SPATA13: variants seen among roughly 807,000 people sequenced by gnomAD.
SPATA13 encodes the protein spermatogenesis associated 13.
Under a neutral mutation model 104.0 loss-of-function variants are expected in SPATA13, and 50 were observed. That is an observed-to-expected ratio of 0.48 (90% CI 0.38 to 0.61). The LOEUF (loss-of-function observed/expected upper bound fraction) is 0.61. Ranked by LOEUF, SPATA13 falls within the 20% of genes least tolerant of loss-of-function variation. The pLI is 0.00. For missense variants in SPATA13, 1,524 were observed against 1,690.6 expected (o/e 0.90, Z 1.73); for synonymous variants, 606 against 667.5 (o/e 0.91, Z 1.42).
intron 3 of SPATA13, 187 bp from the exon 4 acceptor site, chr13:24,251,531 G>A: frequency 1.0e-6 from 1 of 985,450 alleles, no homozygotes; most frequent in South Asian, 4.7e-5. Flanking sequence ...AGCTGATCAG[G>A]ATTGTTAAAA....
At chr13:24,222,249 T>G (rs1239576379) in intron 1 of SPATA13, among the ~76,000 whole-genome samples, 2 of 152,204 alleles carry the variant, frequency 1.3e-5, no homozygotes, top group Non-Finnish European at 2.9e-5. Context: ...CGCCTGTGTC[T>G]AGGTGGCCCT....
At position 24,224,368 on chromosome 13, in the gene SPATA13, C is replaced by G; in HGVS notation, c.1439C>G (p.Pro480Arg). The G allele has an allele frequency of 6.4e-7, 1 of 1,551,706 alleles. No homozygotes were observed. The highest frequency in any genetic ancestry group is 8.7e-7 in the Non-Finnish European group (1 of 1,146,992). Residue 480 changes from proline (P) to arginine (R), a missense_variant, in exon 2 of 13, where the codon CCC becomes CGC. Physicochemically the swap from Pro to Arg is moderately radical, Grantham distance 103. This residue lies in a region of SPATA13 where 1,089 missense variants were observed against 1,135.9 expected (regional missense o/e 0.96). Transcript: ENST00000382108. The stretch of plus-strand genomic sequence containing the variant: ...CAGAGCCCTCAGAGCCCCCAGAGCC[C>G]CGGGGCAGGAAGTGCCAGCTGTCAC... ...KPQSPQSPQS[P>R]GAGSASCHSN...
rs563597844 is a variant in SPATA13, at chr13:24,266,869, GCAGCCT to G, written c.2164+15010_2164+15015del. 2.3e-4 allele frequency among the ~76,000 whole-genome samples: 34 copies of G among 150,608 alleles called. No individual in the cohort carries two copies. In the South Asian group the frequency reaches 5.7e-3, roughly 25 times the overall value. ...TGCAGTGGTACAATCTCAGCTCTCCGCAGCCTCAACCTCTCAGTCTCAAGTGATCCT... is the reference window on the plus strand; with the variant it reads ...TGCAGTGGTACAATCTCAGCTCTCCGCAACCTCTCAGTCTCAAGTGATCCT... On this transcript the variant is annotated intron_variant, in intron 4 of 12. Coordinates refer to ENST00000382108, the MANE Select transcript of SPATA13 (RefSeq NM_001166271.3).
intron 3 of SPATA13, among the ~76,000 whole-genome samples, chr13:24,106,020 G>A (rs1566105050): frequency 6.6e-6 from 1 of 152,120 alleles, no homozygotes; most frequent in African/African-American, 2.4e-5. Context: ...CCAATCTGTG[G>A]TACTTTATTA....
At chr13:24,266,643 A>C (rs1442166721) in intron 4 of SPATA13, among the ~76,000 whole-genome samples, 2 of 152,172 alleles carry the variant, frequency 1.3e-5, no homozygotes, top group Admixed American at 6.5e-5. Context: ...TGTAAGTTGG[A>C]TATCTCCACT....
intron 3 of SPATA13, among the ~76,000 whole-genome samples, chr13:24,137,031 C>T (rs1881596212): frequency 1.9e-5 from 1 of 52,164 alleles, no homozygotes; most frequent in African/African-American, 6.3e-5. Flanking sequence ...GGGGTTTCAC[C>T]GTTTTAGCCG....
intron 1 of SPATA13, among the ~76,000 whole-genome samples, chr13:24,190,312 A>G (rs1382959080): frequency 0.1 from 447 of 4,444 alleles, 163 homozygotes; most frequent in African/African-American, 0.11. Context: ...ATTATATATA[A>G]TATATAATAT....
At chr13:24,176,964 A>G (rs1868471405) in intron 1 of SPATA13, among the ~76,000 whole-genome samples, 1 of 152,044 alleles carries the variant, frequency 6.6e-6, no homozygotes, top group Non-Finnish European at 1.5e-5. Flanking sequence ...GGGTTTCGTC[A>G]TGTTGGCCAG....
At chr13:24,085,701 G>A (rs1044106649) in intron 3 of SPATA13, among the ~76,000 whole-genome samples, 2 of 152,230 alleles carry the variant, frequency 1.3e-5, no homozygotes, top group African/African-American at 4.8e-5. Context: ...GTGCTGGGCA[G>A]TGAAGAGGGA....
intron 9 of SPATA13, among the ~76,000 whole-genome samples, chr13:24,291,748 A>ATT (rs201686636): frequency 4.1e-4 from 5 of 12,060 alleles, no homozygotes; most frequent in African/African-American, 8.2e-4. Context: ...TTATTTTTTT[A>ATT]TTTTTTTATT....
chr13:24,007,497 C>T (rs925277644), intron 2 of SPATA13, among the ~76,000 whole-genome samples: 1 of 152,220 alleles, frequency 6.6e-6, no homozygotes, highest in Non-Finnish European at 1.5e-5. Flanking sequence ...CCTCTGTCAG[C>T]CCAGGCTGAA....
chr13:24,028,789 A>G (rs181239103), intron 3 of SPATA13, among the ~76,000 whole-genome samples: 6 of 152,246 alleles, frequency 3.9e-5, no homozygotes, highest in African/African-American at 7.2e-5. Flanking sequence ...GTAATCTGCT[A>G]TTTAACTGTT....
At chr13:24,162,199 C>A (rs1882529126) in intron 1 of SPATA13, among the ~76,000 whole-genome samples, 2 of 152,206 alleles carry the variant, frequency 1.3e-5, no homozygotes, top group South Asian at 4.1e-4. Context: ...TGCCTCCACC[C>A]AGTTCTCCCA....
At chr13:24,044,484 G>A (rs1276562674) in intron 3 of SPATA13, among the ~76,000 whole-genome samples, 1 of 152,032 alleles carries the variant, frequency 6.6e-6, no homozygotes, top group Middle Eastern at 3.2e-3. Flanking sequence ...GCCCACCTCG[G>A]CCTCCCAAAG....
At chr13:24,103,980 C>T (rs1219768583) in intron 3 of SPATA13, among the ~76,000 whole-genome samples, 2 of 152,160 alleles carry the variant, frequency 1.3e-5, no homozygotes, top group African/African-American at 2.4e-5. Context: ...TAAGTAGGGC[C>T]GATTCCAGCA....
chr13:24,276,176 TA>T (rs1228623620), intron 4 of SPATA13, among the ~76,000 whole-genome samples: 1 of 152,170 alleles, frequency 6.6e-6, no homozygotes, highest in Non-Finnish European at 1.5e-5. Context: ...TTACTCACAA[TA>T]GCCAAGTAGT....
In SPATA13 at chr13:24,051,489, G is replaced by C. The variant is rs1878337406; in HGVS notation, c.-112+33788G>C. On this transcript the variant is annotated intron_variant, in intron 3 of 14. Coordinates refer to the SPATA13 transcript ENST00000424834. This position sits in a 1 kb window ranked among gnomAD's most constrained non-coding sequence, Gnocchi z 4.2. ...TGCACCTGCCTGGGCGATGGCACTTGGGACATACTCATGCACACCCAACCC... is the reference window on the plus strand; with the variant it reads ...TGCACCTGCCTGGGCGATGGCACTTCGGACATACTCATGCACACCCAACCC... Among the ~76,000 whole-genome samples the C allele has an allele frequency of 6.6e-6, 1 of 152,174 alleles. No homozygotes were observed. The highest frequency in any genetic ancestry group is 2.4e-5 in the African/African-American group (1 of 41,444).
chr13:24,045,909 G>A (rs1878127416), intron 3 of SPATA13, among the ~76,000 whole-genome samples: 1 of 152,134 alleles, frequency 6.6e-6, no homozygotes, highest in South Asian at 2.1e-4. Flanking sequence ...CTGGAGAATG[G>A]GATCATAGTA....
At chr13:24,173,769 T>C (rs1017447175) in intron 1 of SPATA13, among the ~76,000 whole-genome samples, 2 of 152,192 alleles carry the variant, frequency 1.3e-5, no homozygotes, top group Non-Finnish European at 2.9e-5. Context: ...CACTGATTAA[T>C]TTTCAAATAC....
Sources: gnomAD v4.1 joint callset for allele counts (sites outside exome capture counted in the v4.1 genomes callset) on GRCh38, gnomAD v4.1.1 for gene constraint, gnomAD v4.1.1 regional missense constraint, Gnocchi (gnomAD v3.1) non-coding constraint, MANE v1.5 for transcripts, NCBI Gene and HGNC (gene_info 2026-07-23, HGNC 2026-07-21) for gene names.